The following ARHGAP24 variants were observed in gnomAD, a reference collection of about 807,000 sequenced individuals.
ARHGAP24 encodes the protein Rho GTPase activating protein 24.
In ARHGAP24, 50 loss-of-function variants were observed where a neutral mutation model predicts 76.4. The observed-to-expected ratio is 0.65, with a 90% CI of 0.52 to 0.83. The LOEUF (loss-of-function observed/expected upper bound fraction) is 0.83, where lower values mean the gene tolerates loss of function less well. Among genes scored for constraint, ARHGAP24 ranks in the 40% least tolerant of loss-of-function variants. The pLI, the probability that ARHGAP24 is intolerant of heterozygous loss-of-function variation, is 0.00. For synonymous variants in ARHGAP24, 345 were observed against 323.3 expected (o/e 1.07, Z -0.72); for missense variants, 930 against 914.2 (o/e 1.02, Z -0.22).
At chr4:85,570,465 G>C (rs970857892) in intron 1 of ARHGAP24, 57 bp from the exon 2 acceptor site, 1 of 1,288,594 alleles carries the variant, frequency 7.8e-7, no homozygotes, top group African/African-American at 1.5e-5. Context: ...GGTTTAAAAG[G>C]GAGTTGAATA....
intron 2 of ARHGAP24, among the ~76,000 whole-genome samples, chr4:85,648,310 C>T (rs563177841): frequency 2.0e-5 from 3 of 152,072 alleles, no homozygotes; most frequent in East Asian, 1.9e-4. Flanking sequence ...CTGAATAATG[C>T]GTATTATTGT....
intron 8 of ARHGAP24, among the ~76,000 whole-genome samples, chr4:85,985,573 C>T (rs552547825): frequency 6.6e-6 from 1 of 152,158 alleles, no homozygotes; most frequent in Admixed American, 6.5e-5. Context: ...GCAACAAACC[C>T]TCATGACACA....
At chr4:85,689,663 A>G (rs1343121696) in intron 2 of ARHGAP24, among the ~76,000 whole-genome samples, 3 of 152,170 alleles carry the variant, frequency 2.0e-5, no homozygotes, top group African/African-American at 4.8e-5. Flanking sequence ...TGCCAGGATT[A>G]CAGACGTGAG....
chr4:85,643,243 T>G (rs1191210829), intron 2 of ARHGAP24, among the ~76,000 whole-genome samples: 144 of 3,334 alleles, frequency 0.043, 21 homozygotes, highest in African/African-American at 0.12. Flanking sequence ...TGTTTTTTTT[T>G]TTTTTTTTTT....
chr4:85,845,497 C>T (rs1004185125), intron 3 of ARHGAP24, among the ~76,000 whole-genome samples: 2 of 152,264 alleles, frequency 1.3e-5, no homozygotes, highest in Middle Eastern at 6.8e-3. Flanking sequence ...TAATATAAAT[C>T]ATTAGTGTGT....
chr4:85,667,552 A>G (rs938982654), intron 2 of ARHGAP24, among the ~76,000 whole-genome samples: 5 of 152,068 alleles, frequency 3.3e-5, no homozygotes, highest in Non-Finnish European at 5.9e-5. Context: ...TGAACCCCGT[A>G]CCTCAGATGG....
intron 3 of ARHGAP24, among the ~76,000 whole-genome samples, chr4:85,747,266 A>G (rs965732303): frequency 2.0e-5 from 3 of 152,230 alleles, no homozygotes; most frequent in Admixed American, 6.5e-5. Context: ...TCTTTAGAGT[A>G]GAAAGTATCT....
intron 5 of ARHGAP24, among the ~76,000 whole-genome samples, chr4:85,968,262 C>G (rs1738750588): frequency 6.6e-6 from 1 of 152,074 alleles, no homozygotes; most frequent in Non-Finnish European, 1.5e-5. Flanking sequence ...GCATAACCTA[C>G]TCATTGGCCT....
chr4:85,651,057 GA>G (rs11305280), intron 2 of ARHGAP24, among the ~76,000 whole-genome samples: 139,091 of 148,494 alleles, frequency 0.94, 65,369 homozygotes, highest in East Asian at 0.98. Context: ...GTCTGCATGG[GA>G]AAAATATTCC....
At chr4:85,997,385 TA>T (rs1740737682) in intron 9 of ARHGAP24, among the ~76,000 whole-genome samples, 3 of 59,320 alleles carry the variant, frequency 5.1e-5, no homozygotes, top group Non-Finnish European at 1.3e-4. Context: ...GATAGATAGA[TA>T]GATAGATAGA....
chr4:85,572,129 T>G (rs1271869622), intron 2 of ARHGAP24, among the ~76,000 whole-genome samples: 1 of 152,196 alleles, frequency 6.6e-6, no homozygotes, highest in Non-Finnish European at 1.5e-5. Context: ...AGTTTTTTTG[T>G]CTCCTATCTT....
At chr4:85,793,975 G>A (rs1288443480) in intron 3 of ARHGAP24, among the ~76,000 whole-genome samples, 2 of 152,294 alleles carry the variant, frequency 1.3e-5, no homozygotes, top group East Asian at 1.9e-4. Context: ...ATGAAGCAGT[G>A]ACTAAGAAGA....
At position 86,000,476 on chromosome 4, in the gene ARHGAP24, T is replaced by C; in HGVS notation, c.2004-3T>C. ...CCCCCACCCCCCCCAACATCCTTTG[T>C]AGCTTAGAACAGCGAAACTTGACTT... is the stretch of plus-strand genomic sequence containing the variant. On this transcript the variant is annotated splice_region_variant and splice_polypyrimidine_tract_variant and intron_variant, in intron 9 of 9. Transcript: ENST00000395184. 8.4e-7 allele frequency: 1 copy of C among 1,190,196 alleles called. No individual in the cohort carries two copies. Among genetic ancestry groups the C allele is most frequent in the Non-Finnish European group, 1.2e-6 (1 of 865,138 alleles). The allele number at this position is 1,190,196 out of a possible 1,614,324, so 73.7% of individuals were successfully genotyped here.
At chr4:85,928,504 C>T (rs758148156) in intron 4 of ARHGAP24, among the ~76,000 whole-genome samples, 4 of 152,152 alleles carry the variant, frequency 2.6e-5, no homozygotes, top group Non-Finnish European at 5.9e-5. Context: ...GTTGTCCAGG[C>T]TGGAGTGCAA....
At chr4:85,709,197 G>A (rs1225731944) in intron 2 of ARHGAP24, among the ~76,000 whole-genome samples, 1 of 152,098 alleles carries the variant, frequency 6.6e-6, no homozygotes, top group African/African-American at 2.4e-5. Context: ...TCAGAACTCA[G>A]TCACATGATC....
intron 4 of ARHGAP24, among the ~76,000 whole-genome samples, chr4:85,940,605 G>T (rs1483191760): frequency 6.6e-6 from 1 of 152,076 alleles, no homozygotes; most frequent in Non-Finnish European, 1.5e-5. Context: ...TGGAGTTAGT[G>T]AATAATGTTT....
chr4:85,558,173 T>C (rs1726463202), intron 1 of ARHGAP24, among the ~76,000 whole-genome samples: 1 of 152,120 alleles, frequency 6.6e-6, no homozygotes. Context: ...TATGAGCAAC[T>C]AAGTTCAAGC....
intron 1 of ARHGAP24, among the ~76,000 whole-genome samples, chr4:85,561,962 C>T (rs976234644): frequency 6.6e-6 from 1 of 151,970 alleles, no homozygotes; most frequent in African/African-American, 2.4e-5. Context: ...TAAGGGAGGC[C>T]GAGGCGGGCA....
At chr4:85,960,867 A>G (rs948334605) in intron 5 of ARHGAP24, among the ~76,000 whole-genome samples, 1 of 152,160 alleles carries the variant, frequency 6.6e-6, no homozygotes, top group African/African-American at 2.4e-5. Context: ...CTAAGTCAGG[A>G]CCAGTACCTT....
Sources: gnomAD v4.1 joint callset for allele counts (sites outside exome capture counted in the v4.1 genomes callset) on GRCh38, gnomAD v4.1.1 for gene constraint, MANE v1.5 for transcripts, NCBI Gene and HGNC (gene_info 2026-07-23, HGNC 2026-07-21) for gene names.